The following TMEM87B variants were observed in gnomAD, a reference collection of about 807,000 sequenced individuals.
TMEM87B encodes the protein transmembrane protein 87B.
Under a neutral mutation model 80.3 loss-of-function variants are expected in TMEM87B, and 83 were observed. The ratio of observed to expected loss-of-function variants is 1.03; its 90% CI spans 0.87 to 1.24. TMEM87B has a LOEUF of 1.24. TMEM87B is among the 50% of genes most tolerant of loss of function. The pLI, the probability that TMEM87B is intolerant of heterozygous loss-of-function variation, is 0.00. For synonymous variants in TMEM87B, 219 were observed against 230.5 expected, an observed-to-expected ratio of 0.95 and a Z score of 0.45; for missense variants, 625 against 674.4, an observed-to-expected ratio of 0.93 and a Z score of 0.81.
At chr2:112,093,119 A>G (rs1333464465) in intron 11 of TMEM87B, among the ~76,000 whole-genome samples, 2 of 152,114 alleles carry the variant, frequency 1.3e-5, no homozygotes. Context: ...TCTCATCACT[A>G]TGCCCTAGAA....
rs1679182122 is a variant in TMEM87B at position 112,087,466 on chromosome 2, A to C, written c.938+1362A>C. On this transcript the variant is annotated intron_variant, in intron 9 of 18. Coordinates refer to ENST00000283206, the MANE Select transcript of TMEM87B (RefSeq NM_032824.3). ...TTTCACTGAGGAAGTAGAAGCCATCAGAGGGGAATTCCACTGCATCTGTGC... is the reference window on the plus strand; with the variant it reads ...TTTCACTGAGGAAGTAGAAGCCATCCGAGGGGAATTCCACTGCATCTGTGC... Among the ~76,000 whole-genome samples, 9 of 152,090 alleles carry C rather than the reference A, an allele frequency of 5.9e-5. No homozygotes were observed. The South Asian group carries it at 1.9e-3, about 32-fold the overall frequency.
chr2:112,062,134 C>G (rs896563511), intron 2 of TMEM87B, among the ~76,000 whole-genome samples: 1 of 152,220 alleles, frequency 6.6e-6, no homozygotes, highest in Non-Finnish European at 1.5e-5. Context: ...ATTGAGCATT[C>G]TAATGTACAC....
intron 4 of TMEM87B, among the ~76,000 whole-genome samples, chr2:112,071,448 C>T (rs1433688076): frequency 6.6e-6 from 1 of 151,996 alleles, no homozygotes; most frequent in African/African-American, 2.4e-5. Flanking sequence ...ATTACAGGCA[C>T]CTGTGACCAT....
In TMEM87B at chr2:112,055,624, C is replaced by T. The variant is rs774464705; in HGVS notation, c.33C>T (p.Leu11=). MVAACRSVAG[L]LPRRRRCFPA... ...CCGCCTGCCGCTCGGTAGCCGGGCTCCTGCCACGCCGCCGCCGCTGCTTTC... is the reference window on the plus strand; with the variant it reads ...CCGCCTGCCGCTCGGTAGCCGGGCTTCTGCCACGCCGCCGCCGCTGCTTTC... The change falls in exon 1 of 19, where the codon CTC becomes CTT. Residue 11 remains leucine, a synonymous_variant. Transcript: ENST00000283206. 10 of 1,543,610 alleles carry T rather than the reference C, an allele frequency of 6.5e-6. No homozygotes were observed. The African/African-American group carries it at 1.1e-4, about 17-fold the overall frequency.
At chr2:112,088,914 AC>A (rs974822796) in intron 9 of TMEM87B, among the ~76,000 whole-genome samples, 2 of 151,008 alleles carry the variant, frequency 1.3e-5, no homozygotes, top group African/African-American at 4.9e-5. Flanking sequence ...ACGAGCCACC[AC>A]CCCCGGCTAA....
intron 3 of TMEM87B, among the ~76,000 whole-genome samples, chr2:112,065,066 C>T (rs62157789): frequency 0.19 from 28,879 of 151,920 alleles, 3,118 homozygotes; most frequent in African/African-American, 0.29. Flanking sequence ...TCAAGTGACC[C>T]TCCTGGCAGG....
intron 11 of TMEM87B, chr2:112,095,567 G>T (rs1221879603): frequency 2.8e-6 from 2 of 718,332 alleles, no homozygotes; most frequent in African/African-American, 3.9e-5. Flanking sequence ...TATATGTTTT[G>T]ATGTATTTAA....
At position 112,089,644 on chromosome 2, in the gene TMEM87B, A is replaced by G. The variant is rs527246135; in HGVS notation, c.958A>G (p.Met320Val). The change falls in exon 10 of 19, where the codon ATG becomes GTG. Residue 320 changes from methionine to valine, a missense_variant. Coordinates refer to ENST00000283206, the MANE Select transcript of TMEM87B (RefSeq NM_032824.3). ...TTCCAGGCCTCGTTTAGGAACAGTC[A>G]TGCACCGGGTGATCGGACTGGGGCT... ...GIVKPRLGTVMHRVIGLGLLY... is the reference protein window; with the variant it reads ...GIVKPRLGTVVHRVIGLGLLY... The G allele has an allele frequency of 1.8e-5, 29 of 1,614,090 alleles. 1 individual carries two copies. The South Asian group carries it at 3.2e-4, about 18-fold the overall frequency.
chr2:112,082,181 G>T (rs1244893479), intron 8 of TMEM87B, among the ~76,000 whole-genome samples: 1 of 152,220 alleles, frequency 6.6e-6, no homozygotes, highest in African/African-American at 2.4e-5. Flanking sequence ...GCTCAGAGAG[G>T]TTGAAGGTGC....
At position 112,116,288 on chromosome 2, in the gene TMEM87B, G is replaced by A; in HGVS notation, c.*145G>A. 1.5e-6 allele frequency: 1 copy of A among 671,618 alleles called. No individual in the cohort carries two copies. The highest frequency in any genetic ancestry group is 2.5e-6 in the Non-Finnish European group (1 of 404,016). 41.6% of individuals were successfully genotyped at this position (671,618 alleles called of 1,614,324 possible). ...ATCAAAATGAAGAATTCAGATGGTA[G>A]GAGGTTCTATAGTCCTTTTAAAGCT... On this transcript the variant is annotated 3_prime_UTR_variant, in exon 19 of 19. Transcript: ENST00000283206.
chr2:112,100,210 C>T (rs892073314), intron 14 of TMEM87B, among the ~76,000 whole-genome samples: 1 of 152,164 alleles, frequency 6.6e-6, no homozygotes, highest in Non-Finnish European at 1.5e-5. Context: ...GTATTTTGAG[C>T]TTATCACCCT....
chr2:112,087,319 G>A (rs930913847), intron 9 of TMEM87B, among the ~76,000 whole-genome samples: 2 of 151,998 alleles, frequency 1.3e-5, no homozygotes, highest in African/African-American at 4.8e-5. Context: ...TAAACTTCAC[G>A]TGCACCCTCA....
chr2:112,078,947 G>C (rs1030553308), intron 6 of TMEM87B, among the ~76,000 whole-genome samples: 2 of 152,132 alleles, frequency 1.3e-5, no homozygotes, highest in Non-Finnish European at 2.9e-5. Flanking sequence ...TTAGAATAGC[G>C]TGTATACAAG....
At chr2:112,102,239 A>G (rs1679650392) in intron 15 of TMEM87B, among the ~76,000 whole-genome samples, 1 of 152,238 alleles carries the variant, frequency 6.6e-6, no homozygotes, top group Admixed American at 6.5e-5. Flanking sequence ...ATAGACCAAT[A>G]TATCATTAAT....
intron 17 of TMEM87B, among the ~76,000 whole-genome samples, chr2:112,110,454 A>G (rs1679880253): frequency 6.6e-6 from 1 of 151,894 alleles, no homozygotes; most frequent in Admixed American, 6.6e-5. Context: ...AAGTTATTGT[A>G]TTTAATTTGG....
rs1365134473 is a variant in TMEM87B, at chr2:112,116,813, G to C, written c.*670G>C. 1 of 151,904 alleles carries C rather than the reference G, an allele frequency of 6.6e-6. No individual in the cohort carries two copies. Among genetic ancestry groups the C allele is most frequent in the African/African-American group, 2.4e-5 (1 of 41,248 alleles). The allele number at this position is 151,904 out of a possible 1,614,324, so 9.4% of individuals were successfully genotyped here. A position where few individuals can be genotyped will look rare whatever the true frequency, so the allele number is the denominator to read the frequency against. On this transcript the variant is annotated 3_prime_UTR_variant, in exon 19 of 19. Transcript: ENST00000283206. ...AGGGGAACACAAGTGCACAGAGAGA[G>C]ATGTCTTGAGGGTCACTACCAAAGA...
chr2:112,100,828 A>AAG, intron 15 of TMEM87B, 133 bp downstream of exon 15: 1 of 536,678 alleles, frequency 1.9e-6, no homozygotes, highest in Non-Finnish European at 3.2e-6. Context: ...ATCTTCAGAA[A>AAG]CCTTATTTTG....
chr2:112,111,178 G>T (rs919409565), intron 17 of TMEM87B, among the ~76,000 whole-genome samples: 16 of 152,276 alleles, frequency 1.1e-4, no homozygotes, highest in Non-Finnish European at 1.9e-4. Context: ...TTGTGGTTTT[G>T]TTTGTGATCC....
intron 11 of TMEM87B, among the ~76,000 whole-genome samples, chr2:112,094,161 C>CTTTT (rs755031584): frequency 7.8e-6 from 1 of 128,758 alleles, no homozygotes; most frequent in Non-Finnish European, 1.7e-5. Flanking sequence ...ATTTCTTGTT[C>CTTTT]TTTTTTTTTT....
Sources: gnomAD v4.1 joint callset for allele counts (sites outside exome capture counted in the v4.1 genomes callset) on GRCh38, gnomAD v4.1.1 for gene constraint, MANE v1.5 for transcripts, NCBI Gene and HGNC (gene_info 2026-07-23, HGNC 2026-07-21) for gene names.